CSMD3: variants seen among roughly 807,000 people sequenced by gnomAD.
The protein encoded by CSMD3 is CUB and Sushi multiple domains 3.
A neutral mutation model predicts 435.2 loss-of-function variants in CSMD3; 177 were observed. That is an observed-to-expected ratio of 0.41 (90% CI 0.36 to 0.46). The LOEUF is 0.46. Ranked by LOEUF, CSMD3 falls within the 20% of genes least tolerant of loss-of-function variation. CSMD3 has a pLI of 0.34. For synonymous variants in CSMD3, 1,656 were observed against 1,520.5 expected, an observed-to-expected ratio of 1.09 and a Z score of -2.07; for missense variants, 4,265 against 4,504.6, an observed-to-expected ratio of 0.95 and a Z score of 1.52.
chr8:112,868,261 C>G (rs1256892036), intron 10 of CSMD3, among the ~76,000 whole-genome samples: 1 of 152,074 alleles, frequency 6.6e-6, no homozygotes, highest in African/African-American at 2.4e-5. Flanking sequence ...TAGAATACCT[C>G]TTGAAAGACC....
chr8:113,095,345 A>G (rs961179239), intron 5 of CSMD3, among the ~76,000 whole-genome samples: 10 of 152,000 alleles, frequency 6.6e-5, no homozygotes, highest in African/African-American at 2.4e-4. Flanking sequence ...TTGTCCCAAC[A>G]CTCTTTCTTG....
intron 4 of CSMD3, among the ~76,000 whole-genome samples, chr8:113,147,301 C>T (rs952680477): frequency 6.6e-6 from 1 of 151,484 alleles, no homozygotes; most frequent in African/African-American, 2.4e-5. Flanking sequence ...ATAGACTTTG[C>T]CCTCAAAAAC....
rs185062492 is a variant in CSMD3, at chr8:113,182,699, C to G, written c.515-8783G>C. Among the ~76,000 whole-genome samples, 364 of 152,148 alleles carry G rather than the reference C, an allele frequency of 2.4e-3. 2 individuals are homozygous for G. The highest frequency in any genetic ancestry group is 7.3e-3 in the African/African-American group (304 of 41,544). ...ATCAGGGACTCAGTTTGTTTTCCAA[C>G]TTGCTACTCAATCCTCCCCTAGGGC... On this transcript the variant is annotated intron_variant, in intron 3 of 70. Coordinates refer to ENST00000297405, the MANE Select transcript of CSMD3 (RefSeq NM_198123.2).
intron 4 of CSMD3, among the ~76,000 whole-genome samples, chr8:113,142,379 G>C (rs894490397): frequency 6.6e-6 from 1 of 151,230 alleles, no homozygotes. Flanking sequence ...ATGTGATATA[G>C]CTATAGTAAT....
intron 2 of CSMD3, among the ~76,000 whole-genome samples, chr8:113,288,991 T>C (rs546548383): frequency 6.6e-6 from 1 of 151,692 alleles, no homozygotes; most frequent in Non-Finnish European, 1.5e-5. Flanking sequence ...GTTCATCTAA[T>C]TATAAAAAAA....
At chr8:112,316,218 C>CT (rs1473821914) in intron 47 of CSMD3, among the ~76,000 whole-genome samples, 1 of 151,648 alleles carries the variant, frequency 6.6e-6, no homozygotes, top group East Asian at 1.9e-4. Context: ...CTGTTTTCTA[C>CT]TTTTTTTGGA....
At chr8:112,860,495 A>G (rs1156708502) in intron 10 of CSMD3, among the ~76,000 whole-genome samples, 2 of 151,632 alleles carry the variant, frequency 1.3e-5, no homozygotes, top group Non-Finnish European at 3.0e-5. Flanking sequence ...CTTCTTGTAA[A>G]TACTCTATGC....
intron 27 of CSMD3, among the ~76,000 whole-genome samples, chr8:112,525,900 T>C (rs1824898688): frequency 7.1e-6 from 1 of 141,836 alleles, no homozygotes; most frequent in South Asian, 2.1e-4. Context: ...ATATATTTTA[T>C]ATATGTATAT....
chr8:113,401,534 T>G (rs369657531), intron 1 of CSMD3, among the ~76,000 whole-genome samples: 1 of 151,814 alleles, frequency 6.6e-6, no homozygotes, highest in East Asian at 1.9e-4. Flanking sequence ...GTCACTATGT[T>G]AAGTGATCCA....
chr8:112,771,257 G>A (rs899141823), intron 13 of CSMD3, among the ~76,000 whole-genome samples: 1 of 151,928 alleles, frequency 6.6e-6, no homozygotes, highest in Non-Finnish European at 1.5e-5. Flanking sequence ...AAGTGTGTGG[G>A]GGCAGAGTGT....
At chr8:112,662,929 C>T (rs2075423206) in intron 17 of CSMD3, among the ~76,000 whole-genome samples, 1 of 152,112 alleles carries the variant, frequency 6.6e-6, no homozygotes, top group South Asian at 2.1e-4. Flanking sequence ...AAAAAATGCT[C>T]ATCATCACTG....
At chr8:113,089,675 C>G (rs1265875552) in intron 5 of CSMD3, among the ~76,000 whole-genome samples, 1 of 151,982 alleles carries the variant, frequency 6.6e-6, no homozygotes, top group Non-Finnish European at 1.5e-5. Flanking sequence ...GCAAATAAGG[C>G]AAGTATAGTG....
intron 23 of CSMD3, among the ~76,000 whole-genome samples, chr8:112,578,976 C>G (rs1830143732): frequency 6.6e-6 from 1 of 151,958 alleles, no homozygotes; most frequent in African/African-American, 2.4e-5. Flanking sequence ...TTTCATATAA[C>G]TAATTGATTT....
intron 27 of CSMD3, among the ~76,000 whole-genome samples, chr8:112,544,947 A>G (rs994090578): frequency 6.6e-6 from 1 of 152,220 alleles, no homozygotes; most frequent in East Asian, 1.9e-4. Context: ...TTAGTTCCAA[A>G]TTTACACAAT....
At chr8:112,937,641 G>GC (rs1168116715) in intron 9 of CSMD3, among the ~76,000 whole-genome samples, 1 of 152,090 alleles carries the variant, frequency 6.6e-6, no homozygotes, top group Non-Finnish European at 1.5e-5. Flanking sequence ...ATGAGTTACT[G>GC]CCCCCGGCAG....
At chr8:112,913,411 G>A (rs2082483062) in intron 10 of CSMD3, among the ~76,000 whole-genome samples, 2 of 151,820 alleles carry the variant, frequency 1.3e-5, no homozygotes, top group Admixed American at 6.6e-5. Context: ...CTTGCCCGCT[G>A]TTCACCTCCT....
intron 6 of CSMD3, among the ~76,000 whole-genome samples, chr8:113,018,219 C>T (rs567773669): frequency 6.6e-6 from 1 of 151,882 alleles, no homozygotes; most frequent in African/African-American, 2.4e-5. Context: ...TTTCAAAATA[C>T]AAATTAATTG....
intron 2 of CSMD3, among the ~76,000 whole-genome samples, chr8:113,288,415 C>T (rs1356417712): frequency 1.3e-5 from 2 of 151,846 alleles, no homozygotes; most frequent in African/African-American, 2.4e-5. Context: ...TTTCTCCAGA[C>T]CCATGAAATA....
At chr8:112,410,419 A>C (rs1832229863) in intron 32 of CSMD3, among the ~76,000 whole-genome samples, 1 of 149,218 alleles carries the variant, frequency 6.7e-6, no homozygotes, top group Non-Finnish European at 1.5e-5. Flanking sequence ...AGTCATACAA[A>C]CATTTTGAAT....
Sources: gnomAD v4.1 joint callset for allele counts (sites outside exome capture counted in the v4.1 genomes callset) on GRCh38, gnomAD v4.1.1 for gene constraint, MANE v1.5 for transcripts, NCBI Gene and HGNC (gene_info 2026-07-23, HGNC 2026-07-21) for gene names.